NEXN: variants seen among roughly 807,000 people sequenced by gnomAD.
NEXN encodes the protein nexilin F-actin binding protein, also known as nexilin.
NEXN carries 65 observed loss-of-function variants against 92.6 expected under a neutral mutation model. The ratio of observed to expected loss-of-function variants is 0.70; its 90% CI spans 0.57 to 0.86. The LOEUF (loss-of-function observed/expected upper bound fraction) is 0.86. Among genes scored for constraint, NEXN ranks in the 40% least tolerant of loss-of-function variants. The pLI, the probability that NEXN is intolerant of heterozygous loss-of-function variation, is 0.00. For synonymous variants in NEXN, 254 were observed against 242.5 expected, an observed-to-expected ratio of 1.05 and a Z score of -0.44; for missense variants, 778 against 771.1, an observed-to-expected ratio of 1.01 and a Z score of -0.11.
At chr1:77,906,740 G>A (rs1428255440) in intron 1 of NEXN, among the ~76,000 whole-genome samples, 1 of 151,968 alleles carries the variant, frequency 6.6e-6, no homozygotes, top group Non-Finnish European at 1.5e-5. Flanking sequence ...CTGCAGCCTT[G>A]AACTTATGGG....
intron 1 of NEXN, among the ~76,000 whole-genome samples, chr1:77,913,337 C>T (rs1030682151): frequency 1.3e-5 from 2 of 151,802 alleles, no homozygotes; most frequent in African/African-American, 2.4e-5. Flanking sequence ...ATTGCTTGAA[C>T]CCGGGAGGCG....
chr1:77,933,764 A>G (rs1050780697), intron 10 of NEXN, among the ~76,000 whole-genome samples: 3 of 152,174 alleles, frequency 2.0e-5, no homozygotes, highest in Non-Finnish European at 4.4e-5. Flanking sequence ...TATTCAATAC[A>G]TATATTATAT....
chr1:77,937,082 GGTGGGTC>G (rs1557992132), intron 11 of NEXN, among the ~76,000 whole-genome samples: 1 of 152,096 alleles, frequency 6.6e-6, no homozygotes, highest in African/African-American at 2.4e-5. Flanking sequence ...GGCCGAGGTG[GGTGGGTC>G]ACTTGAGCCA....
chr1:77,900,123 C>T (rs1389371237), intron 1 of NEXN, among the ~76,000 whole-genome samples: 2 of 152,142 alleles, frequency 1.3e-5, no homozygotes, highest in Non-Finnish European at 2.9e-5. Flanking sequence ...CCCAGCCTGT[C>T]CTTCTAGTTT....
intron 9 of NEXN, among the ~76,000 whole-genome samples, chr1:77,929,882 T>G (rs888550755): frequency 5.3e-5 from 8 of 152,166 alleles, no homozygotes; most frequent in African/African-American, 1.7e-4. Context: ...CCTTTCTCCC[T>G]CCTTCATTCC....
chr1:77,888,912 G>T (rs1647036154), intron 1 of NEXN, 153 bp downstream of exon 1: 1 of 152,448 alleles, frequency 6.6e-6, no homozygotes, highest in African/African-American at 2.4e-5. Context: ...AGGGCGCCGG[G>T]CGCCATACAG....
rs112820539 is a variant in NEXN at position 77,937,644 on chromosome 1, G to A, written c.1473+1600G>A. On this transcript the variant is annotated intron_variant, in intron 11 of 12. Coordinates refer to ENST00000334785, the MANE Select transcript of NEXN (RefSeq NM_144573.4). ...GTGGAGACTGCAGTGAGCTGAGATC[G>A]CACCACTGCACTCTAGCCTTGGCGA... 3.1e-3 allele frequency among the ~76,000 whole-genome samples: 477 copies of A among 151,558 alleles called. 4 individuals are homozygous for A. The highest frequency in any genetic ancestry group is 4.3e-3 in the Non-Finnish European group (289 of 67,832).
At chr1:77,910,617 C>T (rs528938610) in intron 1 of NEXN, among the ~76,000 whole-genome samples, 4 of 151,464 alleles carry the variant, frequency 2.6e-5, no homozygotes, top group South Asian at 2.1e-4. Context: ...TGGGTGTCGT[C>T]GGTCGCGCCT....
chr1:77,911,645 A>G (rs559050555), intron 1 of NEXN, among the ~76,000 whole-genome samples: 3 of 152,228 alleles, frequency 2.0e-5, no homozygotes, highest in African/African-American at 7.2e-5. Context: ...AAAATATTCT[A>G]TAAAACTACC....
intron 1 of NEXN, among the ~76,000 whole-genome samples, chr1:77,911,769 A>G (rs890971236): frequency 3.3e-5 from 5 of 151,100 alleles, no homozygotes; most frequent in Non-Finnish European, 1.5e-5. Flanking sequence ...ATACACATAT[A>G]TTCCAAAATC....
At chr1:77,934,715 C>T (rs1650605959) in intron 10 of NEXN, among the ~76,000 whole-genome samples, 1 of 152,178 alleles carries the variant, frequency 6.6e-6, no homozygotes, top group Non-Finnish European at 1.5e-5. Context: ...CGTGTATTCG[C>T]CATCAGCCTT....
At chr1:77,892,703 G>A (rs1647135376) in intron 1 of NEXN, among the ~76,000 whole-genome samples, 2 of 152,138 alleles carry the variant, frequency 1.3e-5, no homozygotes, top group Non-Finnish European at 2.9e-5. Flanking sequence ...GGGAGTGGGA[G>A]AAGAGATTAG....
chr1:77,938,519 C>T (rs1219054622), intron 11 of NEXN, among the ~76,000 whole-genome samples: 2 of 148,402 alleles, frequency 1.3e-5, no homozygotes, highest in African/African-American at 2.5e-5. Flanking sequence ...CGTGGTGGCA[C>T]GGGTCTATAG....
At chr1:77,907,978 G>T (rs936202017) in intron 1 of NEXN, among the ~76,000 whole-genome samples, 8 of 152,142 alleles carry the variant, frequency 5.3e-5, no homozygotes, top group Non-Finnish European at 1.5e-5. Context: ...CTCGGGCATG[G>T]TTACTCATGC....
Position 77,933,456 on chromosome 1 carries a change from C to T in NEXN, c.1228C>T (p.Gln410Ter), listed in dbSNP as rs1557988499. 1.2e-6 allele frequency: 2 copies of T among 1,611,262 alleles called. No homozygotes were observed. The highest frequency in any genetic ancestry group is 1.7e-6 in the Non-Finnish European group (2 of 1,177,692). Reference protein sequence around the residue: ...KLEMEKQEFEQLRQEMGEEEE... With the variant: ...KLEMEKQEFE ...AGAAATGGAGAAACAAGAATTTGAA[C>T]AACTGAGACAGGAAATGGGAGAGGT... The change falls in exon 10 of 13, where the codon CAA (glutamine) becomes TAA (stop). Residue 410 changes from glutamine to a stop codon, truncating the protein, a stop_gained. Transcript: ENST00000334785. LOFTEE classifies it high-confidence loss of function.
At chr1:77,931,823 T>C (rs1010146585) in intron 9 of NEXN, 2 of 152,200 alleles carry the variant, frequency 1.3e-5, no homozygotes, top group African/African-American at 4.8e-5. Context: ...TTGATAAAAC[T>C]TGGAGCAAAT....
intron 1 of NEXN, among the ~76,000 whole-genome samples, chr1:77,897,345 C>T (rs1375032803): frequency 6.6e-6 from 1 of 152,208 alleles, no homozygotes; most frequent in Non-Finnish European, 1.5e-5. Flanking sequence ...GGATGTGAGG[C>T]TGGTTCAATA....
At chr1:77,904,938 C>T (rs1476219194) in intron 1 of NEXN, among the ~76,000 whole-genome samples, 2 of 152,078 alleles carry the variant, frequency 1.3e-5, no homozygotes, top group South Asian at 4.1e-4. Flanking sequence ...TTCTCAGTGC[C>T]CAGTAGAGTG....
chr1:77,914,132 G>T (rs1413521424), intron 1 of NEXN, among the ~76,000 whole-genome samples: 2 of 152,172 alleles, frequency 1.3e-5, no homozygotes, highest in Admixed American at 6.5e-5. Context: ...CAGTGAAACT[G>T]CTCTGTGCAA....
Sources: allele counts gnomAD v4.1 joint callset (sites outside exome capture counted in the v4.1 genomes callset), GRCh38; gene constraint gnomAD v4.1.1; transcripts MANE v1.5; gene names NCBI Gene and HGNC (gene_info 2026-07-23, HGNC 2026-07-21).